CATSPERD: variants seen among roughly 807,000 people sequenced by gnomAD.
CATSPERD encodes catsper channel auxiliary subunit delta.
CATSPERD carries 86 observed loss-of-function variants against 98.1 expected under a neutral mutation model. The observed-to-expected ratio is 0.88, with a 90% CI of 0.74 to 1.05. The LOEUF (loss-of-function observed/expected upper bound fraction) is 1.05. CATSPERD is among the 50% of genes least tolerant of loss of function. The pLI is 0.00. For synonymous variants in CATSPERD, 394 were observed against 390.2 expected (o/e 1.01, Z -0.12); for missense variants, 995 against 1,005.7 (o/e 0.99, Z 0.14).
intron 18 of CATSPERD, among the ~76,000 whole-genome samples, chr19:5,770,396 C>A (rs1053903212): frequency 2.0e-5 from 3 of 149,978 alleles, no homozygotes; most frequent in Non-Finnish European, 4.4e-5. Context: ...CACCACTGTG[C>A]TCCAGCCTGG....
At position 5,751,725 on chromosome 19, in the gene CATSPERD, C is replaced by A. The variant is rs1306154434; in HGVS notation, c.1066C>A (p.Leu356Met). Reference protein sequence around the residue: ...SPGTLEILTPLRDTAFPAFDF... With the variant: ...SPGTLEILTPMRDTAFPAFDF... ...AGGGACTCTGGAAATACTGACCCCA[C>A]TGCGTGACACAGCCTTTCCAGCTTT... The change falls in exon 12 of 22, where the codon CTG (leucine) becomes ATG (methionine). Residue 356 changes from leucine to methionine, a missense_variant. Transcript: ENST00000381624. 6.8e-6 allele frequency: 11 copies of A among 1,613,940 alleles called. No homozygotes were observed. The highest frequency in any genetic ancestry group is 8.5e-6 in the Non-Finnish European group (10 of 1,179,970).
intron 5 of CATSPERD, among the ~76,000 whole-genome samples, chr19:5,735,436 G>A (rs958545762): frequency 1.5e-4 from 23 of 152,012 alleles, no homozygotes; most frequent in African/African-American, 4.6e-4. Flanking sequence ...TTACCCTCCC[G>A]AGTAGCTGGG....
At chr19:5,751,584 A>C in intron 11 of CATSPERD, 63 bp from the exon 12 acceptor site, 1 of 848,974 alleles carries the variant, frequency 1.2e-6, no homozygotes, top group Non-Finnish European at 1.6e-6. Flanking sequence ...ATCATGAAAT[A>C]AAATTTAAAC....
At chr19:5,747,131 C>T (rs566354439) in intron 9 of CATSPERD, among the ~76,000 whole-genome samples, 12 of 151,038 alleles carry the variant, frequency 7.9e-5, no homozygotes, top group African/African-American at 2.4e-4. Context: ...AGCTCTGAGC[C>T]GCTGTACTCA....
chr19:5,750,368 G>A (rs918352187), intron 11 of CATSPERD, among the ~76,000 whole-genome samples: 10 of 142,084 alleles, frequency 7.0e-5, no homozygotes, highest in Admixed American at 3.0e-4. Context: ...GGAGAATGGC[G>A]TGAATCCAGG....
In CATSPERD at chr19:5,778,370, C is replaced by A; in HGVS notation, c.2097-6C>A. ...AACAGCCTCTCCCCGCCTCCCCCCA[C>A]CGCAGCTACTGTCAACTGGAGACCA... On this transcript the variant is annotated splice_region_variant and splice_polypyrimidine_tract_variant and intron_variant, in intron 21 of 21. Coordinates refer to ENST00000381624, the MANE Select transcript of CATSPERD (RefSeq NM_152784.4). 1 of 1,596,194 alleles carries A rather than the reference C, an allele frequency of 6.3e-7. No individual in the cohort carries two copies. The highest frequency in any genetic ancestry group is 8.6e-7 in the Non-Finnish European group (1 of 1,168,590).
intron 17 of CATSPERD, 133 bp downstream of exon 17, chr19:5,766,288 T>TTAAA: frequency 5.6e-5 from 11 of 195,808 alleles, no homozygotes; most frequent in East Asian, 2.1e-4. Context: ...CCGTCTCTAC[T>TTAAA]GAAAAAAAAA....
intron 16 of CATSPERD, 55 bp downstream of exon 16, chr19:5,763,348 T>G: frequency 6.9e-7 from 1 of 1,443,264 alleles, no homozygotes; most frequent in Non-Finnish European, 9.7e-7. Context: ...TTAAGACTCA[T>G]GGAAGCTGGC....
intron 4 of CATSPERD, 107 bp from the exon 5 acceptor site, chr19:5,733,749 C>T (rs1476669836): frequency 9.1e-6 from 7 of 766,028 alleles, no homozygotes; most frequent in Non-Finnish European, 1.5e-5. Context: ...GGCCACCGCG[C>T]CCGTCCATAC....
intron 16 of CATSPERD, among the ~76,000 whole-genome samples, chr19:5,765,322 T>C (rs2056516225): frequency 6.6e-6 from 1 of 152,208 alleles, no homozygotes; most frequent in Admixed American, 6.6e-5. Flanking sequence ...TTGAGAAGCA[T>C]GTCCCTAAGG....
intron 19 of CATSPERD, chr19:5,772,149 G>T: frequency 4.9e-6 from 2 of 409,038 alleles, no homozygotes; most frequent in South Asian, 3.4e-5. Flanking sequence ...CCAGGCTCAA[G>T]CGGTCCTCCT....
At chr19:5,730,578 AATAG>A (rs2055695519) in intron 4 of CATSPERD, among the ~76,000 whole-genome samples, 1 of 151,306 alleles carries the variant, frequency 6.6e-6, no homozygotes, top group African/African-American at 2.4e-5. Flanking sequence ...ATAAATAAAT[AATAG>A]ATAGGTGGGA....
chr19:5,729,645 A>G (rs2055675692), intron 3 of CATSPERD, among the ~76,000 whole-genome samples: 1 of 152,210 alleles, frequency 6.6e-6, no homozygotes, highest in Admixed American at 6.6e-5. Context: ...TGTACATTTT[A>G]TATAGTTTTA....
At chr19:5,763,445 TTAAAAA>T (rs2145833225) in intron 16 of CATSPERD, 152 bp downstream of exon 16, 2 of 616,800 alleles carry the variant, frequency 3.2e-6, no homozygotes, top group East Asian at 5.7e-5. Context: ...ACTAAAAAAA[TTAAAAA>T]TAAAAATAAA....
intron 15 of CATSPERD, among the ~76,000 whole-genome samples, chr19:5,762,932 G>A (rs1000658041): frequency 7.3e-5 from 11 of 151,668 alleles, no homozygotes; most frequent in African/African-American, 2.7e-4. Context: ...TAGATAGATG[G>A]ATGGATGAAT....
intron 7 of CATSPERD, among the ~76,000 whole-genome samples, chr19:5,742,284 G>A (rs1360953966): frequency 7.9e-6 from 1 of 125,896 alleles, no homozygotes; most frequent in African/African-American, 3.1e-5. Flanking sequence ...GTGTACGTGT[G>A]TGTGCGTGTG....
At chr19:5,748,399 G>C in intron 10 of CATSPERD, 144 bp downstream of exon 10, 2 of 684,360 alleles carry the variant, frequency 2.9e-6, no homozygotes, top group Non-Finnish European at 5.1e-6. Context: ...GGGAGGCCGA[G>C]GCGGGTGGAT....
intron 16 of CATSPERD, 134 bp downstream of exon 16, chr19:5,763,427 C>A: frequency 4.9e-6 from 3 of 617,364 alleles, no homozygotes; most frequent in Non-Finnish European, 2.8e-6. Context: ...TGAAACTCTG[C>A]CTCAAAAACT....
At chr19:5,737,868 A>G (rs1310196489) in intron 6 of CATSPERD, among the ~76,000 whole-genome samples, 1 of 151,920 alleles carries the variant, frequency 6.6e-6, no homozygotes, top group Non-Finnish European at 1.5e-5. Context: ...AAAAAAAGAA[A>G]AAAGATAAAG....
Sources: allele counts gnomAD v4.1 joint callset (sites outside exome capture counted in the v4.1 genomes callset), GRCh38; gene constraint gnomAD v4.1.1; transcripts MANE v1.5; gene names NCBI Gene and HGNC (gene_info 2026-07-23, HGNC 2026-07-21).